Variants in LRFN5 observed in about 807,000 individuals in gnomAD.
LRFN5 encodes leucine-rich repeat and fibronectin type-III domain-containing protein 5.
LRFN5 carries 24 observed loss-of-function variants against 45.6 expected under a neutral mutation model. That is an observed-to-expected ratio of 0.53 (90% CI 0.38 to 0.74). The LOEUF (loss-of-function observed/expected upper bound fraction) is 0.74. Among genes scored for constraint, LRFN5 ranks in the 30% least tolerant of loss-of-function variants. The probability of loss-of-function intolerance (pLI) is 0.00; values close to 1 mark genes in which losing one functional copy is unlikely to be tolerated. For missense variants in LRFN5, 776 were observed against 861.5 expected, an observed-to-expected ratio of 0.90 and a Z score of 1.24; for synonymous variants, 340 against 313.8, an observed-to-expected ratio of 1.08 and a Z score of -0.88.
At chr14:41,813,781 A>G (rs981637320) in intron 2 of LRFN5, among the ~76,000 whole-genome samples, 8 of 152,180 alleles carry the variant, frequency 5.3e-5, no homozygotes, top group African/African-American at 1.2e-4. Flanking sequence ...GTCTTCCACA[A>G]TGGTTGAACT....
intron 2 of LRFN5, among the ~76,000 whole-genome samples, chr14:41,846,047 A>G (rs1319447841): frequency 1.5e-5 from 2 of 133,690 alleles, no homozygotes; most frequent in Non-Finnish European, 3.6e-5. Context: ...AAAAAACTGT[A>G]CAGATGACCA....
chr14:41,718,342 G>A (rs1446007908), intron 1 of LRFN5, among the ~76,000 whole-genome samples: 2 of 152,102 alleles, frequency 1.3e-5, no homozygotes, highest in Non-Finnish European at 2.9e-5. Flanking sequence ...CAGTACAAGT[G>A]ATAACTGAGC....
chr14:41,886,871 A>T lies in LRFN5; in HGVS notation c.246A>T (p.Leu82=). ...TGACCAGCTTGGTGGACCTGACTCT[A>T]TCCAGGAATACAATAAGTTTTATTA... ...ANMTSLVDLT[L]SRNTISFITP... The change falls in exon 3 of 6, where the codon CTA becomes CTT. Residue 82 remains leucine (L), a synonymous_variant. Coordinates refer to ENST00000298119, the MANE Select transcript of LRFN5 (RefSeq NM_152447.5). 6.2e-7 allele frequency: 1 copy of T among 1,614,192 alleles called. No homozygotes were observed. The highest frequency in any genetic ancestry group is 8.5e-7 in the Non-Finnish European group (1 of 1,180,022).
chr14:41,650,268 A>ACACACACACACAC (rs1437857911), intron 1 of LRFN5, among the ~76,000 whole-genome samples: 11,205 of 128,990 alleles, frequency 0.087, 530 homozygotes, highest in South Asian at 0.11. Context: ...CACACACACA[A>ACACACACACACAC]AAAAAAAAAA....
intron 1 of LRFN5, among the ~76,000 whole-genome samples, chr14:41,650,426 GTCAA>G (rs1329063037): frequency 1.3e-4 from 20 of 152,096 alleles, no homozygotes; most frequent in Admixed American, 6.5e-5. Context: ...AATGGTTGAG[GTCAA>G]TCAGAGTGAA....
chr14:41,677,369 A>G (rs2121708), intron 1 of LRFN5, among the ~76,000 whole-genome samples: 92,597 of 151,966 alleles, frequency 0.61, 29,658 homozygotes, highest in East Asian at 0.98. Flanking sequence ...AATCTAACAC[A>G]CACACACACA....
At chr14:41,886,019 CAAAAAAA>C (rs35648547) in intron 2 of LRFN5, among the ~76,000 whole-genome samples, 3 of 88,790 alleles carry the variant, frequency 3.4e-5, no homozygotes, top group South Asian at 4.5e-4. Flanking sequence ...AGGCTCGTCT[CAAAAAAA>C]AAAAAAAAAA....
intron 1 of LRFN5, among the ~76,000 whole-genome samples, chr14:41,747,315 T>G (rs1200506161): frequency 6.9e-6 from 1 of 144,614 alleles, no homozygotes; most frequent in African/African-American, 2.6e-5. Flanking sequence ...CAAAGGATTT[T>G]GGTACTGGCA....
chr14:41,781,596 GAAAGAAAGAAAGAAAGAAAGAGAA>G (rs1237276744), intron 2 of LRFN5, among the ~76,000 whole-genome samples: 10 of 85,746 alleles, frequency 1.2e-4, no homozygotes, highest in African/African-American at 5.1e-4. Context: ...AAGAAAGAAA[GAAAGAAAGAAAGAAAGAAAGAGAA>G]AGAAAGAAAG....
intron 2 of LRFN5, among the ~76,000 whole-genome samples, chr14:41,858,340 A>G (rs535261043): frequency 7.2e-5 from 11 of 152,236 alleles, no homozygotes; most frequent in Non-Finnish European, 1.2e-4. Flanking sequence ...TTTCTCCAAG[A>G]TAAAAAGGCC....
At chr14:41,713,409 G>C (rs1418167997) in intron 1 of LRFN5, among the ~76,000 whole-genome samples, 1 of 151,960 alleles carries the variant, frequency 6.6e-6, no homozygotes, top group Non-Finnish European at 1.5e-5. Flanking sequence ...ATTTGATAAA[G>C]TACATCTAGT....
intron 2 of LRFN5, among the ~76,000 whole-genome samples, chr14:41,855,026 ACGT>A (rs2139084013): frequency 6.6e-6 from 1 of 152,320 alleles, no homozygotes; most frequent in African/African-American, 2.4e-5. Flanking sequence ...AAACTTAAAA[ACGT>A]CTGCATTTAA....
intron 1 of LRFN5, among the ~76,000 whole-genome samples, chr14:41,756,421 C>T (rs1019044212): frequency 6.6e-6 from 1 of 152,300 alleles, no homozygotes; most frequent in East Asian, 1.9e-4. Flanking sequence ...GTAGATTTGA[C>T]CTTTTCACAT....
chr14:41,687,568 C>T (rs1279309640), intron 1 of LRFN5, among the ~76,000 whole-genome samples: 2 of 152,018 alleles, frequency 1.3e-5, no homozygotes, highest in African/African-American at 2.4e-5. Flanking sequence ...TTTACAATAG[C>T]GAAGATATGG....
chr14:41,611,662 G>A (rs1229630166), intron 1 of LRFN5, among the ~76,000 whole-genome samples: 3 of 152,164 alleles, frequency 2.0e-5, no homozygotes, highest in African/African-American at 7.2e-5. Flanking sequence ...AGAGGAGAAT[G>A]ACCTTGAACA....
intron 1 of LRFN5, among the ~76,000 whole-genome samples, chr14:41,723,600 G>C (rs1363323826): frequency 1.3e-5 from 2 of 152,072 alleles, no homozygotes; most frequent in African/African-American, 4.8e-5. Context: ...GCAGGCTAGG[G>C]CATCCAGCAA....
intron 1 of LRFN5, among the ~76,000 whole-genome samples, chr14:41,688,624 G>GA (rs1376028551): frequency 6.7e-6 from 1 of 148,480 alleles, no homozygotes; most frequent in African/African-American, 2.5e-5. Context: ...GTGGGTCAAA[G>GA]AAAAAAAATG....
chr14:41,820,773 T>G (rs1182080456), intron 2 of LRFN5, among the ~76,000 whole-genome samples: 1 of 152,016 alleles, frequency 6.6e-6, no homozygotes, highest in Non-Finnish European at 1.5e-5. Context: ...TTTGACTTGT[T>G]TGTATCATCT....
intron 2 of LRFN5, among the ~76,000 whole-genome samples, chr14:41,833,693 T>G (rs973170308): frequency 3.3e-5 from 5 of 152,208 alleles, no homozygotes; most frequent in African/African-American, 1.2e-4. Context: ...CAGTATTGGC[T>G]TTTGGGCAAC....
Sources: allele counts gnomAD v4.1 joint callset (sites outside exome capture counted in the v4.1 genomes callset), GRCh38; gene constraint gnomAD v4.1.1; transcripts MANE v1.5; gene names NCBI Gene and HGNC (gene_info 2026-07-23, HGNC 2026-07-21).